Variants in HS3ST2 observed in about 807,000 individuals in gnomAD.
HS3ST2 encodes the protein heparan sulfate glucosamine 3-O-sulfotransferase 2.
Under a neutral mutation model 26.3 loss-of-function variants are expected in HS3ST2, and 17 were observed. The observed-to-expected ratio is 0.65, with a 90% CI of 0.44 to 0.97. The LOEUF (loss-of-function observed/expected upper bound fraction) is 0.97, where lower values mean the gene tolerates loss of function less well. Ranked by LOEUF, HS3ST2 falls within the 50% of genes least tolerant of loss-of-function variation. The pLI, the probability that HS3ST2 is intolerant of heterozygous loss-of-function variation, is 0.00. For synonymous variants in HS3ST2, 237 were observed against 219.2 expected (o/e 1.08, Z -0.72); for missense variants, 402 against 501.2 (o/e 0.80, Z 1.89).
rs1567476845 is a variant in HS3ST2, at chr16:22,814,875, C to T, written c.265C>T (p.Pro89Ser). Residue 89 changes from proline to serine, a missense_variant, in exon 1 of 2, where the codon CCC (proline) becomes TCC (serine). Transcript: ENST00000261374. The stretch of plus-strand genomic sequence containing the variant: ...CAGCGAGCCCAGCGCTCCCAGCGCG[C>T]CCGCCGCCGCCGTGCCCGCCCCTCG... ...TPSEPSAPSA[P>S]AAAVPAPRLS... 1.9e-6 allele frequency: 3 copies of T among 1,558,414 alleles called. No individual in the cohort carries two copies. Among genetic ancestry groups the T allele is most frequent in the South Asian group, 1.2e-5 (1 of 85,134 alleles).
At chr16:22,904,166 T>C (rs1902318011) in intron 1 of HS3ST2, among the ~76,000 whole-genome samples, 2 of 152,118 alleles carry the variant, frequency 1.3e-5, no homozygotes, top group Non-Finnish European at 2.9e-5. Flanking sequence ...CCACTTCTCA[T>C]AGGAAGCCAG....
chr16:22,914,892 G>A, intron 1 of HS3ST2, 52 bp from the exon 2 acceptor site: 1 of 1,552,684 alleles, frequency 6.4e-7, no homozygotes, highest in Non-Finnish European at 8.7e-7. Flanking sequence ...CTGGGCCTGA[G>A]GCCTGGCCCC....
intron 1 of HS3ST2, among the ~76,000 whole-genome samples, chr16:22,830,704 C>T (rs1901156027): frequency 6.6e-6 from 1 of 152,212 alleles, no homozygotes; most frequent in Non-Finnish European, 1.5e-5. Context: ...CTGGGCCAAC[C>T]TGTCTACAAC....
rs1901282061 is a variant in HS3ST2, at chr16:22,837,545, G to GTA, written c.485+22458_485+22459dup. On this transcript the variant is annotated intron_variant, in intron 1 of 1. Coordinates refer to ENST00000261374, the MANE Select transcript of HS3ST2 (RefSeq NM_006043.2). ...TACACATATATATACACAGATATAT[G>GTA]TATATATATGTATATATATACATAT... Among the ~76,000 whole-genome samples, 4 of 135,754 alleles carry GTA rather than the reference G, an allele frequency of 2.9e-5. No individual in the cohort carries two copies. The South Asian group carries it at 6.7e-4, about 23-fold the overall frequency. 89.1% of individuals were successfully genotyped at this position (135,754 alleles called of 152,430 possible).
intron 1 of HS3ST2, among the ~76,000 whole-genome samples, chr16:22,866,369 CGTGTGTGTGT>C (rs55757233): frequency 4.2e-5 from 6 of 143,742 alleles, no homozygotes; most frequent in Admixed American, 6.8e-5. Context: ...ATATGGTGTG[CGTGTGTGTGT>C]GTGTGTGTGT....
intron 1 of HS3ST2, among the ~76,000 whole-genome samples, chr16:22,884,338 A>G (rs1037818406): frequency 1.3e-5 from 2 of 152,208 alleles, no homozygotes; most frequent in African/African-American, 2.4e-5. Context: ...GTAAGAACAC[A>G]CTAGTTAGAG....
At chr16:22,855,769 T>C (rs1901585888) in intron 1 of HS3ST2, among the ~76,000 whole-genome samples, 1 of 151,048 alleles carries the variant, frequency 6.6e-6, no homozygotes. Context: ...ATTCTCAGAC[T>C]CCTTATGTTA....
chr16:22,910,427 C>T (rs958109207), intron 1 of HS3ST2, among the ~76,000 whole-genome samples: 1 of 152,158 alleles, frequency 6.6e-6, no homozygotes, highest in Non-Finnish European at 1.5e-5. Flanking sequence ...CTATTCCTGT[C>T]ATACAGGCCA....
At chr16:22,868,747 T>G (rs188494462) in intron 1 of HS3ST2, among the ~76,000 whole-genome samples, 1 of 152,298 alleles carries the variant, frequency 6.6e-6, no homozygotes, top group African/African-American at 2.4e-5. Context: ...CTGAGGTCCC[T>G]GAGCTGGGGG....
At chr16:22,881,054 A>G (rs1022362095) in intron 1 of HS3ST2, among the ~76,000 whole-genome samples, 14 of 152,340 alleles carry the variant, frequency 9.2e-5, no homozygotes, top group African/African-American at 3.1e-4. Flanking sequence ...CTGAGTTTCC[A>G]TCACTTGCAA....
At chr16:22,882,354 C>T (rs1902000134) in intron 1 of HS3ST2, among the ~76,000 whole-genome samples, 1 of 151,858 alleles carries the variant, frequency 6.6e-6, no homozygotes, top group African/African-American at 2.4e-5. Context: ...ACAGCAAGAC[C>T]CCATCTCAAA....
intron 1 of HS3ST2, among the ~76,000 whole-genome samples, chr16:22,856,710 C>A (rs572266744): frequency 6.6e-6 from 1 of 152,138 alleles, no homozygotes; most frequent in Non-Finnish European, 1.5e-5. Flanking sequence ...CATTCAGTAG[C>A]TGATGTGTCC....
intron 1 of HS3ST2, among the ~76,000 whole-genome samples, chr16:22,856,131 A>C (rs933444874): frequency 6.6e-6 from 1 of 152,190 alleles, no homozygotes; most frequent in Non-Finnish European, 1.5e-5. Context: ...CTGCTTCCTA[A>C]GTATGGTAGA....
chr16:22,833,977 T>C (rs1194703955), intron 1 of HS3ST2, among the ~76,000 whole-genome samples: 1 of 151,968 alleles, frequency 6.6e-6, no homozygotes, highest in Non-Finnish European at 1.5e-5. Context: ...AAAAAACATA[T>C]TATCTTTTGT....
At chr16:22,906,920 T>G (rs1902364156) in intron 1 of HS3ST2, among the ~76,000 whole-genome samples, 1 of 152,158 alleles carries the variant, frequency 6.6e-6, no homozygotes, top group Non-Finnish European at 1.5e-5. Context: ...ACAAGAAACG[T>G]GCAAGTTGCT....
chr16:22,856,036 A>G (rs1372271982), intron 1 of HS3ST2, among the ~76,000 whole-genome samples: 1 of 152,198 alleles, frequency 6.6e-6, no homozygotes, highest in Admixed American at 6.5e-5. Flanking sequence ...TATCATTACT[A>G]TAAGAAGGAT....
chr16:22,831,251 A>G (rs953726033), intron 1 of HS3ST2, among the ~76,000 whole-genome samples: 2 of 152,256 alleles, frequency 1.3e-5, no homozygotes, highest in African/African-American at 2.4e-5. Context: ...CTAGTGGTAC[A>G]TATCCCACAT....
At chr16:22,838,871 T>C (rs1901312906) in intron 1 of HS3ST2, among the ~76,000 whole-genome samples, 1 of 152,106 alleles carries the variant, frequency 6.6e-6, no homozygotes, top group South Asian at 2.1e-4. Flanking sequence ...AGGCCTGCCT[T>C]GGATCTCATT....
At chr16:22,891,404 G>A (rs1182745107) in intron 1 of HS3ST2, among the ~76,000 whole-genome samples, 1 of 152,042 alleles carries the variant, frequency 6.6e-6, no homozygotes, top group African/African-American at 2.4e-5. Flanking sequence ...GAGGTTAAGT[G>A]ACTTGCCTGA....
Sources: gnomAD v4.1 joint callset for allele counts (sites outside exome capture counted in the v4.1 genomes callset) on GRCh38, gnomAD v4.1.1 for gene constraint, MANE v1.5 for transcripts, NCBI Gene and HGNC (gene_info 2026-07-23, HGNC 2026-07-21) for gene names.